ANKRD28: variants seen among roughly 807,000 people sequenced by gnomAD.
ANKRD28 encodes ankyrin repeat domain 28, also known as serine/threonine-protein phosphatase 6 regulatory ankyrin repeat subunit A.
A neutral mutation model predicts 126.5 loss-of-function variants in ANKRD28; 44 were observed. That is an observed-to-expected ratio of 0.35 (90% CI 0.27 to 0.45). ANKRD28 has a LOEUF of 0.45. Among genes scored for constraint, ANKRD28 ranks in the 20% least tolerant of loss-of-function variants. The probability of loss-of-function intolerance (pLI) is 1.00; values close to 1 mark genes in which losing one functional copy is unlikely to be tolerated. For synonymous variants in ANKRD28, 442 were observed against 468.5 expected (o/e 0.94, Z 0.73); for missense variants, 1,110 against 1,316.6 (o/e 0.84, Z 2.43).
chr3:15,742,804 G>A (rs201542671), intron 4 of ANKRD28, among the ~76,000 whole-genome samples: 5 of 143,722 alleles, frequency 3.5e-5, no homozygotes, highest in Admixed American at 6.9e-5. Context: ...GGTGAGGGGC[G>A]CCTCTGCCCG....
intron 21 of ANKRD28, chr3:15,684,304 T>C (rs2067865259): frequency 6.6e-6 from 1 of 152,192 alleles, no homozygotes; most frequent in Non-Finnish European, 1.5e-5. Context: ...TACGTGACCT[T>C]TTATGAGTCT....
intron 2 of ANKRD28, among the ~76,000 whole-genome samples, chr3:15,776,175 A>C (rs1338890186): frequency 6.6e-6 from 1 of 152,238 alleles, no homozygotes; most frequent in Non-Finnish European, 1.5e-5. Context: ...AATGTGGTCC[A>C]AAGATGTGGA....
chr3:15,720,820 T>C, intron 8 of ANKRD28, 95 bp downstream of exon 8: 2 of 1,110,022 alleles, frequency 1.8e-6, no homozygotes, highest in Non-Finnish European at 2.6e-6. Flanking sequence ...CTTGAGTTTA[T>C]CAATATTCCT....
At chr3:15,856,269 CTTG>C (rs1158695212) in intron 1 of ANKRD28, among the ~76,000 whole-genome samples, 2 of 152,178 alleles carry the variant, frequency 1.3e-5, no homozygotes, top group Non-Finnish European at 2.9e-5. Flanking sequence ...CACTAACATA[CTTG>C]TTGTTCTTAT....
chr3:15,700,760 G>T (rs1178617997), intron 14 of ANKRD28, among the ~76,000 whole-genome samples: 1 of 152,114 alleles, frequency 6.6e-6, no homozygotes, highest in Non-Finnish European at 1.5e-5. Flanking sequence ...GCGACAGAGT[G>T]AGACTGCAAA....
At chr3:15,709,299 G>A (rs1393847094) in intron 13 of ANKRD28, among the ~76,000 whole-genome samples, 4 of 152,116 alleles carry the variant, frequency 2.6e-5, no homozygotes, top group African/African-American at 7.2e-5. Flanking sequence ...ACCAAGAAAT[G>A]ACTTGGAGAA....
rs138608654 is a variant in ANKRD28, at chr3:15,807,562, T to C, written c.28-12256A>G. 3.2e-4 allele frequency among the ~76,000 whole-genome samples: 48 copies of C among 152,346 alleles called. No homozygotes were observed. In the East Asian group the frequency reaches 4.6e-3, roughly 15 times the overall value. ...ATGAGAGTTTTATCTCCAAAATGTT[T>C]CCTATTAATCTCATCTTCCTTCTCT... On this transcript the variant is annotated intron_variant, in intron 1 of 27. Transcript: ENST00000399451.
intron 5 of ANKRD28, 130 bp downstream of exon 5, chr3:15,736,903 G>T: frequency 1.1e-6 from 1 of 940,324 alleles, no homozygotes; most frequent in Non-Finnish European, 1.6e-6. Context: ...ATAAAAGGAG[G>T]CAAAATTAGA....
At chr3:15,818,002 T>C (rs571422763) in intron 1 of ANKRD28, among the ~76,000 whole-genome samples, 1 of 152,336 alleles carries the variant, frequency 6.6e-6, no homozygotes, top group South Asian at 2.1e-4. Context: ...GTACCATTTA[T>C]AATAATACCC....
intron 2 of ANKRD28, among the ~76,000 whole-genome samples, chr3:15,772,728 C>A (rs148948888): frequency 2.0e-5 from 3 of 152,146 alleles, no homozygotes; most frequent in African/African-American, 7.2e-5. Context: ...CCTCTGTTGC[C>A]CAGGCTAGCG....
At chr3:15,783,828 C>G (rs1259916974) in intron 2 of ANKRD28, among the ~76,000 whole-genome samples, 2 of 151,770 alleles carry the variant, frequency 1.3e-5, no homozygotes, top group Admixed American at 1.3e-4. Context: ...ACCACAGATC[C>G]AGGAGAACAC....
chr3:15,823,821 T>C (rs1316121798), intron 1 of ANKRD28, among the ~76,000 whole-genome samples: 4 of 152,146 alleles, frequency 2.6e-5, no homozygotes, highest in Non-Finnish European at 5.9e-5. Flanking sequence ...AACATTATAA[T>C]CTCAACTGAT....
chr3:15,783,885 A>C (rs1398867316), intron 2 of ANKRD28, among the ~76,000 whole-genome samples: 1 of 152,070 alleles, frequency 6.6e-6, no homozygotes. Flanking sequence ...TATCATATTT[A>C]AATTGCAGAA....
intron 3 of ANKRD28, among the ~76,000 whole-genome samples, chr3:15,755,729 G>A (rs920690274): frequency 2.6e-5 from 4 of 152,276 alleles, no homozygotes; most frequent in Non-Finnish European, 5.9e-5. Context: ...ACCGCCTCTG[G>A]TGGCATAATC....
At chr3:15,727,624 G>A (rs1361579063) in intron 6 of ANKRD28, among the ~76,000 whole-genome samples, 1 of 151,244 alleles carries the variant, frequency 6.6e-6, no homozygotes, top group African/African-American at 2.4e-5. Flanking sequence ...ATTCATGGGA[G>A]GAGGTCAAAG....
chr3:15,830,010 C>T lies in ANKRD28; in HGVS notation c.27+29367G>A, dbSNP rs932519017. Among the ~76,000 whole-genome samples the T allele has an allele frequency of 4.0e-5, 6 of 151,392 alleles. No homozygotes were observed. Among genetic ancestry groups the T allele is most frequent in the Admixed American group, 1.3e-4 (2 of 15,192 alleles). Reference sequence around the variant, plus strand: ...GCATTTTTCCTGTGCAGCATATACTCATTTTATCATACAGACACCCCAGGG... The same window carrying T: ...GCATTTTTCCTGTGCAGCATATACTTATTTTATCATACAGACACCCCAGGG... On this transcript the variant is annotated intron_variant, in intron 1 of 27. Coordinates refer to the ANKRD28 transcript ENST00000399451. This position sits in a 1 kb window ranked among gnomAD's most constrained non-coding sequence, Gnocchi z 4.5.
chr3:15,718,741 C>T (rs2073365087), intron 8 of ANKRD28, among the ~76,000 whole-genome samples: 1 of 152,168 alleles, frequency 6.6e-6, no homozygotes, highest in African/African-American at 2.4e-5. Context: ...ATAATACTAA[C>T]ACACAAAGAT....
At position 15,755,716 on chromosome 3, in the gene ANKRD28, TTAACCGCCTCTGGTGGCATAA is replaced by T. The variant is rs202137100; in HGVS notation, c.281-3917_281-3897del. ...TAGAGAGAAATAAAACCAAATGTCG[TTAACCGCCTCTGGTGGCATAA>T]TCACATGCCCTCTACATGGTAGAAG... On this transcript the variant is annotated intron_variant, in intron 3 of 27. Transcript: ENST00000683139. Among the ~76,000 whole-genome samples, 7 of 152,310 alleles carry T rather than the reference TTAACCGCCTCTGGTGGCATAA, an allele frequency of 4.6e-5. No individual in the cohort carries two copies. The East Asian group carries it at 1.4e-3, about 29-fold the overall frequency.
At chr3:15,771,056 G>A (rs1466850123) in intron 2 of ANKRD28, among the ~76,000 whole-genome samples, 1 of 152,168 alleles carries the variant, frequency 6.6e-6, no homozygotes, top group Non-Finnish European at 1.5e-5. Flanking sequence ...ATATCTGAGG[G>A]TGGGTTATTT....
Sources: gnomAD v4.1 joint callset for allele counts (sites outside exome capture counted in the v4.1 genomes callset) on GRCh38, gnomAD v4.1.1 for gene constraint, Gnocchi (gnomAD v3.1) non-coding constraint, MANE v1.5 for transcripts, NCBI Gene and HGNC (gene_info 2026-07-23, HGNC 2026-07-21) for gene names.